SLC9B1: variants seen among roughly 807,000 people sequenced by gnomAD.
SLC9B1 encodes sodium/hydrogen exchanger 9B1.
A neutral mutation model predicts 51.7 loss-of-function variants in SLC9B1; 32 were observed. The observed-to-expected ratio is 0.62, with a 90% confidence interval of 0.47 to 0.83. The LOEUF is 0.83. Among genes scored for constraint, SLC9B1 ranks in the 40% least tolerant of loss-of-function variants. SLC9B1 has a pLI of 0.00. For missense variants in SLC9B1, 406 were observed against 613.2 expected (o/e 0.66, Z 3.57); for synonymous variants, 145 against 212.7 (o/e 0.68, Z 2.77).
At chr4:103,000,884 G>GCC (rs1644297983) in intron 1 of SLC9B1, among the ~76,000 whole-genome samples, 2 of 152,342 alleles carry the variant, frequency 1.3e-5, no homozygotes, top group African/African-American at 4.8e-5. Context: ...ACTAGGTAGT[G>GCC]CCCCATTGGG....
chr4:102,945,112 C>T, intron 6 of SLC9B1, 81 bp downstream of exon 6: 1 of 1,337,404 alleles, frequency 7.5e-7, no homozygotes, highest in Non-Finnish European at 9.9e-7. Flanking sequence ...CTTTTCTATA[C>T]AACATTCTGA....
chr4:103,011,411 G>A (rs1332268655), intron 1 of SLC9B1, among the ~76,000 whole-genome samples: 5 of 152,050 alleles, frequency 3.3e-5, no homozygotes, highest in Non-Finnish European at 5.9e-5. Context: ...CATGCCTGTC[G>A]CTCTCCCAGG....
rs374475974 is a variant in SLC9B1 at position 102,936,008 on chromosome 4, C to T, written c.654-3709G>A. On this transcript the variant is annotated intron_variant, in intron 6 of 11. Coordinates refer to ENST00000296422, the MANE Select transcript of SLC9B1 (RefSeq NM_139173.4). ...GCTACAATCACTACAATGAAGCACT[C>T]TGGCTGGCACACCCCATCAGAGTGT... Among the ~76,000 whole-genome samples, 4 of 152,302 alleles carry T rather than the reference C, an allele frequency of 2.6e-5. No individual in the cohort carries two copies. In the South Asian group the frequency reaches 6.2e-4, roughly 24 times the overall value.
chr4:102,971,015 C>G (rs1453177964), intron 3 of SLC9B1, among the ~76,000 whole-genome samples: 1 of 151,972 alleles, frequency 6.6e-6, no homozygotes, highest in African/African-American at 2.4e-5. Flanking sequence ...ACAAAGAGAC[C>G]TAGACATCCA....
At chr4:102,949,209 T>A in intron 4 of SLC9B1, 48 bp downstream of exon 4, 2 of 1,371,530 alleles carry the variant, frequency 1.5e-6, no homozygotes, top group Non-Finnish European at 2.0e-6. Context: ...ATGTTCAACA[T>A]TTGCATATAG....
At chr4:102,957,228 G>A (rs1259112030) in intron 3 of SLC9B1, among the ~76,000 whole-genome samples, 2 of 152,136 alleles carry the variant, frequency 1.3e-5, no homozygotes, top group Non-Finnish European at 2.9e-5. Flanking sequence ...AATTCCAGGA[G>A]AAGAGAGAGA....
At chr4:103,015,454 A>G (rs1036263993) in intron 1 of SLC9B1, among the ~76,000 whole-genome samples, 8 of 152,154 alleles carry the variant, frequency 5.3e-5, no homozygotes, top group African/African-American at 1.7e-4. Context: ...TAATTCAACC[A>G]CTAATACCCA....
intron 3 of SLC9B1, among the ~76,000 whole-genome samples, chr4:102,974,589 T>C (rs1380902861): frequency 1.3e-5 from 2 of 152,164 alleles, no homozygotes; most frequent in Non-Finnish European, 2.9e-5. Context: ...CTATAACTTA[T>C]AAACACTTAG....
intron 11 of SLC9B1, among the ~76,000 whole-genome samples, chr4:102,902,584 G>A (rs1734841771): frequency 6.6e-6 from 1 of 152,072 alleles, no homozygotes; most frequent in African/African-American, 2.4e-5. Context: ...TATGATAATG[G>A]TGAAACTAGA....
At chr4:102,889,332 G>A (rs1228100373) in intron 11 of SLC9B1, 2 of 152,240 alleles carry the variant, frequency 1.3e-5, no homozygotes, top group Non-Finnish European at 2.9e-5. Context: ...TTTTTCCACA[G>A]TTGGTCACCA....
Position 102,901,320 on chromosome 4 carries a change from G to C in SLC9B1, c.1345C>G (p.Pro449Ala). 1 of 1,611,934 alleles carries C rather than the reference G, an allele frequency of 6.2e-7. No homozygotes were observed. The highest frequency in any genetic ancestry group is 8.5e-7 in the Non-Finnish European group (1 of 1,179,790). ...ACTCTTGCTGTTTCTAGAGCCAGAG[G>C]ACCTAACACAGCCTGCATTTAGGGG... ...PKATVQAVLG[P>A]LALETARVSA... Residue 449 changes from proline (P) to alanine (A), a missense_variant, in exon 12 of 12, where the codon CCT (proline) becomes GCT (alanine). This residue lies in a region of SLC9B1 where 24 missense variants were observed against 30.7 expected (regional missense o/e 0.78). Transcript: ENST00000296422.
At chr4:103,002,639 C>T (rs1210370598) in intron 1 of SLC9B1, among the ~76,000 whole-genome samples, 2 of 152,058 alleles carry the variant, frequency 1.3e-5, no homozygotes, top group Non-Finnish European at 2.9e-5. Flanking sequence ...TCACAGAAGG[C>T]TAAAATGGTT....
At chr4:102,902,187 G>A (rs1405930166) in intron 11 of SLC9B1, among the ~76,000 whole-genome samples, 3 of 151,934 alleles carry the variant, frequency 2.0e-5, no homozygotes, top group Non-Finnish European at 4.4e-5. Context: ...CTTTCTTTGT[G>A]TTTAATAATC....
At chr4:102,993,514 T>C (rs1189241611) in intron 1 of SLC9B1, among the ~76,000 whole-genome samples, 1 of 152,206 alleles carries the variant, frequency 6.6e-6, no homozygotes, top group African/African-American at 2.4e-5. Flanking sequence ...CAGGCTGGCA[T>C]TGAGGGTCTG....
chr4:102,912,101 C>G lies in SLC9B1; in HGVS notation c.830-564G>C, dbSNP rs781350104. On this transcript the variant is annotated intron_variant, in intron 7 of 11. Coordinates refer to ENST00000296422, the MANE Select transcript of SLC9B1 (RefSeq NM_139173.4). ...TGAGCTGAGATCGTGACACCACACTCCAGCCTGGGTGAAAGACGGAGGCCA... is the reference window on the plus strand; with the variant it reads ...TGAGCTGAGATCGTGACACCACACTGCAGCCTGGGTGAAAGACGGAGGCCA... 1.8e-4 allele frequency: 31 copies of G among 173,864 alleles called. No homozygotes were observed. The Middle Eastern group carries it at 0.019, about 106-fold the overall frequency. 10.8% of individuals were successfully genotyped at this position (173,864 alleles called of 1,614,324 possible).
chr4:102,992,685 T>C (rs1481589804), intron 1 of SLC9B1, among the ~76,000 whole-genome samples: 1 of 152,204 alleles, frequency 6.6e-6, no homozygotes, highest in East Asian at 1.9e-4. Context: ...GAAACTTAGA[T>C]CTAAATTCCT....
chr4:102,944,807 A>G (rs1333859579), intron 6 of SLC9B1, among the ~76,000 whole-genome samples: 1 of 152,244 alleles, frequency 6.6e-6, no homozygotes, highest in Non-Finnish European at 1.5e-5. Flanking sequence ...TTATACACCT[A>G]TGTCTATATA....
At chr4:102,898,502 A>C (rs1734642885), downstream of SLC9B1, among the ~76,000 whole-genome samples, 1 of 152,250 alleles carries the variant, frequency 6.6e-6, no homozygotes, top group South Asian at 2.1e-4. Flanking sequence ...TCTGTGATAA[A>C]TAATTTTCAG....
rs1326292380 is a variant in SLC9B1, at chr4:102,935,697, A to G, written c.654-3398T>C. On this transcript the variant is annotated intron_variant, in intron 6 of 11. Coordinates refer to ENST00000296422, the MANE Select transcript of SLC9B1 (RefSeq NM_139173.4). Reference sequence around the variant, plus strand: ...TTTTCTTGGGTATGATTAAGTAAAAATGCACAAAATAATACTCTTTTTTTT... The same window carrying G: ...TTTTCTTGGGTATGATTAAGTAAAAGTGCACAAAATAATACTCTTTTTTTT... Among the ~76,000 whole-genome samples, 6 of 135,818 alleles carry G rather than the reference A, an allele frequency of 4.4e-5. No individual in the cohort carries two copies. The East Asian group carries it at 1.1e-3, about 24-fold the overall frequency. The allele number at this position is 135,818 out of a possible 152,430, so 89.1% of individuals were successfully genotyped here.
Sources: gnomAD v4.1 joint callset for allele counts (sites outside exome capture counted in the v4.1 genomes callset) on GRCh38, gnomAD v4.1.1 for gene constraint, gnomAD v4.1.1 regional missense constraint, MANE v1.5 for transcripts, NCBI Gene and HGNC (gene_info 2026-07-23, HGNC 2026-07-21) for gene names.